The following ENTREP2 variants were observed in gnomAD, a reference collection of about 807,000 sequenced individuals.
The protein encoded by ENTREP2 is endosomal transmembrane epsin interactor 2.
chr15:29,435,199 G>T, the ENTREP2 span, among the ~76,000 whole-genome samples: 1 of 152,154 alleles, frequency 6.6e-6, no homozygotes, highest in Non-Finnish European at 1.5e-5. Flanking sequence ...GTCTGCCTTT[G>T]TCTGGCATTT....
At chr15:29,356,951 TG>T in the ENTREP2 span, among the ~76,000 whole-genome samples, 1 of 152,054 alleles carries the variant, frequency 6.6e-6, no homozygotes, top group Non-Finnish European at 1.5e-5. Context: ...AAGAGAAAGC[TG>T]GGGGCCCTTC....
chr15:29,261,153 C>G, the ENTREP2 span, among the ~76,000 whole-genome samples: 4 of 152,112 alleles, frequency 2.6e-5, no homozygotes, highest in Non-Finnish European at 2.9e-5. Context: ...CGGGGGAGGA[C>G]TGCTTGTGGT....
the ENTREP2 span, among the ~76,000 whole-genome samples, chr15:29,358,030 T>C: frequency 1.3e-5 from 2 of 152,040 alleles, no homozygotes; most frequent in African/African-American, 4.8e-5. Context: ...CCATGCGACA[T>C]CATTTCATCA....
chr15:29,277,366 A>G, the ENTREP2 span, among the ~76,000 whole-genome samples: 1 of 152,060 alleles, frequency 6.6e-6, no homozygotes, highest in African/African-American at 2.4e-5. Context: ...AAAAGTACAA[A>G]TGAGCTAATC....
chr15:29,237,247 C>A, the ENTREP2 span, among the ~76,000 whole-genome samples: 1 of 152,240 alleles, frequency 6.6e-6, no homozygotes, highest in Non-Finnish European at 1.5e-5. Context: ...AGATACTAGT[C>A]CTTTGGCATA....
the ENTREP2 span, among the ~76,000 whole-genome samples, chr15:29,237,761 T>C: frequency 6.6e-6 from 1 of 151,212 alleles, no homozygotes; most frequent in Non-Finnish European, 1.5e-5. Context: ...CTTTCTTAAA[T>C]GATTCAACTA....
chr15:29,261,171 T>C, the ENTREP2 span, among the ~76,000 whole-genome samples: 1 of 152,070 alleles, frequency 6.6e-6, no homozygotes, highest in Non-Finnish European at 1.5e-5. Context: ...GGTAAGGAGC[T>C]CAAGACCAGC....
the ENTREP2 span, among the ~76,000 whole-genome samples, chr15:29,300,752 C>T: frequency 6.6e-6 from 1 of 152,096 alleles, no homozygotes; most frequent in South Asian, 2.1e-4. Flanking sequence ...GCACCTGCCA[C>T]CATGCCCGGC....
chr15:29,574,460 A>G, the ENTREP2 span, among the ~76,000 whole-genome samples: 1 of 152,008 alleles, frequency 6.6e-6, no homozygotes, highest in Non-Finnish European at 1.5e-5. Context: ...TGCCCAGCTC[A>G]TTTTTGTATT....
chr15:29,662,504 T>C, the ENTREP2 span, among the ~76,000 whole-genome samples: 1 of 152,194 alleles, frequency 6.6e-6, no homozygotes, highest in South Asian at 2.1e-4. Context: ...CTTTGTATGG[T>C]CTTTGTGTCA....
At chr15:29,629,872 T>C in the ENTREP2 span, among the ~76,000 whole-genome samples, 1 of 152,168 alleles carries the variant, frequency 6.6e-6, no homozygotes, top group African/African-American at 2.4e-5. Flanking sequence ...ATCCCAGCAC[T>C]TCAGGAGGCC....
chr15:29,506,649 A>T, the ENTREP2 span, among the ~76,000 whole-genome samples: 1 of 152,244 alleles, frequency 6.6e-6, no homozygotes, highest in Non-Finnish European at 1.5e-5. Context: ...TTTCATATCC[A>T]GCCAAACTAA....
chr15:29,587,324 G>C, the ENTREP2 span, among the ~76,000 whole-genome samples: 3 of 151,972 alleles, frequency 2.0e-5, no homozygotes, highest in African/African-American at 7.2e-5. Flanking sequence ...GCTGAAGTTT[G>C]GGATCATACA....
the ENTREP2 span, among the ~76,000 whole-genome samples, chr15:29,164,152 A>T: frequency 2.0e-5 from 3 of 152,242 alleles, no homozygotes; most frequent in Non-Finnish European, 4.4e-5. Context: ...CATTAAAAGA[A>T]CTGCTAAAAG....
chr15:29,440,282 T>C, the ENTREP2 span, among the ~76,000 whole-genome samples: 1 of 152,336 alleles, frequency 6.6e-6, no homozygotes, highest in Non-Finnish European at 1.5e-5. Context: ...ACTCCCCGCT[T>C]CTGTGTTAAA....
the ENTREP2 span, among the ~76,000 whole-genome samples, chr15:29,335,359 A>G: frequency 6.6e-6 from 1 of 152,210 alleles, no homozygotes; most frequent in South Asian, 2.1e-4. Flanking sequence ...GGCCTGCACT[A>G]TCTTTGCCAA....
chr15:29,207,457 G>A, the ENTREP2 span, among the ~76,000 whole-genome samples: 11 of 30,292 alleles, frequency 3.6e-4, no homozygotes, highest in Admixed American at 6.3e-4. Flanking sequence ...TTGGGGGGCG[G>A]GGGGGGTGGC....
the ENTREP2 span, among the ~76,000 whole-genome samples, chr15:29,620,308 A>C: frequency 6.6e-6 from 1 of 152,064 alleles, no homozygotes; most frequent in Non-Finnish European, 1.5e-5. Context: ...GCAGACAGGG[A>C]ATTGGGAGAA....
At chr15:29,630,663 T>C in the ENTREP2 span, among the ~76,000 whole-genome samples, 22,964 of 152,032 alleles carry the variant, frequency 0.15, 2,244 homozygotes, top group African/African-American at 0.27. Flanking sequence ...TTCATTTTTT[T>C]CCCCCAGGCT....
Sources: gnomAD v4.1 joint callset for allele counts (sites outside exome capture counted in the v4.1 genomes callset) on GRCh38, gnomAD v4.1.1 for gene constraint, MANE v1.5 for transcripts, NCBI Gene and HGNC (gene_info 2026-07-23, HGNC 2026-07-21) for gene names.